Variants in SLC14A2 observed in about 807,000 individuals in gnomAD.
SLC14A2 encodes urea transporter 2.
A neutral mutation model predicts 104.6 loss-of-function variants in SLC14A2; 91 were observed. That is an observed-to-expected ratio of 0.87 (90% CI 0.73 to 1.04). The LOEUF is 1.04. Ranked by LOEUF, SLC14A2 falls within the 50% of genes least tolerant of loss-of-function variation. The pLI is 0.00. For missense variants in SLC14A2, 1,189 were observed against 1,156.0 expected (o/e 1.03, Z -0.41); for synonymous variants, 476 against 466.4 (o/e 1.02, Z -0.27).
intron 16 of SLC14A2, among the ~76,000 whole-genome samples, chr18:45,672,162 C>T (rs952107868): frequency 2.6e-5 from 4 of 152,204 alleles, no homozygotes; most frequent in African/African-American, 9.7e-5. Context: ...ACACCCCAAA[C>T]ATGTTGTACT....
chr18:45,677,097 G>T (rs1478890695), intron 18 of SLC14A2, among the ~76,000 whole-genome samples: 1 of 152,194 alleles, frequency 6.6e-6, no homozygotes, highest in Non-Finnish European at 1.5e-5. Context: ...GCCCAGGCAG[G>T]CCGCATGTCT....
chr18:45,174,651 T>C, the SLC14A2 span, among the ~76,000 whole-genome samples: 3 of 152,146 alleles, frequency 2.0e-5, no homozygotes, highest in African/African-American at 7.2e-5. Flanking sequence ...CATGTGCTTA[T>C]TAACAGAGAA....
chr18:45,477,120 T>A (rs1474854281), intron 1 of SLC14A2, among the ~76,000 whole-genome samples: 1 of 152,232 alleles, frequency 6.6e-6, no homozygotes, highest in Non-Finnish European at 1.5e-5. Context: ...CATGGATTTA[T>A]CTACTTTTGG....
intron 2 of SLC14A2, among the ~76,000 whole-genome samples, chr18:45,530,916 T>C (rs537769763): frequency 6.6e-6 from 1 of 152,250 alleles, no homozygotes; most frequent in East Asian, 1.9e-4. Flanking sequence ...GTTCTCATTG[T>C]TCAGTTCCCA....
At chr18:45,270,701 C>G (rs1374912898) in intron 1 of SLC14A2, among the ~76,000 whole-genome samples, 1 of 152,136 alleles carries the variant, frequency 6.6e-6, no homozygotes, top group Non-Finnish European at 1.5e-5. Context: ...TGTTTTGTCT[C>G]TACATCCCAT....
chr18:45,674,775 A>G (rs549254309), intron 18 of SLC14A2, among the ~76,000 whole-genome samples: 1 of 152,340 alleles, frequency 6.6e-6, no homozygotes, highest in East Asian at 1.9e-4. Context: ...TGTGTCAAAG[A>G]GCAAGACTAA....
chr18:45,314,142 G>A (rs1246263232), intron 1 of SLC14A2, among the ~76,000 whole-genome samples: 1 of 152,224 alleles, frequency 6.6e-6, no homozygotes, highest in Non-Finnish European at 1.5e-5. Context: ...GGCCACAGAG[G>A]CCAAAGAACA....
chr18:45,426,429 A>G (rs775047366), intron 1 of SLC14A2, among the ~76,000 whole-genome samples: 3 of 151,842 alleles, frequency 2.0e-5, no homozygotes, highest in Non-Finnish European at 4.4e-5. Flanking sequence ...TGTGCTTTAC[A>G]TTAACTAGTC....
At chr18:45,652,811 T>G (rs2045763571) in intron 10 of SLC14A2, among the ~76,000 whole-genome samples, 1 of 152,150 alleles carries the variant, frequency 6.6e-6, no homozygotes, top group African/African-American at 2.4e-5. Context: ...AAGGCAGCAC[T>G]TTATTGCCCC....
At chr18:45,515,526 A>C (rs2043426477) in intron 2 of SLC14A2, 1 of 152,238 alleles carries the variant, frequency 6.6e-6, no homozygotes, top group Non-Finnish European at 1.5e-5. Context: ...CAATGCTCTG[A>C]GAAAGAAGAG....
At chr18:45,184,659 GA>G in the SLC14A2 span, among the ~76,000 whole-genome samples, 1 of 151,956 alleles carries the variant, frequency 6.6e-6, no homozygotes. Context: ...AAAAGTAAAG[GA>G]AAAAAATCAC....
chr18:45,206,888 A>T, the SLC14A2 span, among the ~76,000 whole-genome samples: 1 of 152,192 alleles, frequency 6.6e-6, no homozygotes, highest in Non-Finnish European at 1.5e-5. Flanking sequence ...TCCATTGTGG[A>T]AATAAGGGCC....
At chr18:45,430,405 T>C (rs2144548359) in intron 1 of SLC14A2, among the ~76,000 whole-genome samples, 1 of 152,250 alleles carries the variant, frequency 6.6e-6, no homozygotes, top group Non-Finnish European at 1.5e-5. Context: ...ATAAATCAAG[T>C]TGAATAAAGA....
chr18:45,497,570 G>A (rs1010968868), intron 2 of SLC14A2, among the ~76,000 whole-genome samples: 3 of 152,142 alleles, frequency 2.0e-5, no homozygotes, highest in African/African-American at 7.2e-5. Flanking sequence ...ACCTGGCTTT[G>A]AGCTTTCCAA....
chr18:45,654,107 G>T (rs1320221768), intron 10 of SLC14A2, among the ~76,000 whole-genome samples: 1 of 149,004 alleles, frequency 6.7e-6, no homozygotes. Context: ...TCCCCAGGGA[G>T]TTTAGGAAAT....
At chr18:45,522,124 G>A (rs756797598) in intron 2 of SLC14A2, among the ~76,000 whole-genome samples, 1 of 152,214 alleles carries the variant, frequency 6.6e-6, no homozygotes, top group Non-Finnish European at 1.5e-5. Flanking sequence ...TATCAGTGGA[G>A]ATCACCATCC....
intron 2 of SLC14A2, among the ~76,000 whole-genome samples, chr18:45,606,909 G>T (rs544448375): frequency 1.3e-5 from 2 of 152,080 alleles, no homozygotes; most frequent in Non-Finnish European, 2.9e-5. Flanking sequence ...TACATCCTAC[G>T]TTGTTTTTAT....
intron 1 of SLC14A2, among the ~76,000 whole-genome samples, chr18:45,463,396 G>A (rs1386157276): frequency 6.6e-6 from 1 of 152,190 alleles, no homozygotes; most frequent in Non-Finnish European, 1.5e-5. Context: ...CCTACTTAAT[G>A]GGGTGATGGT....
intron 1 of SLC14A2, among the ~76,000 whole-genome samples, chr18:45,232,068 A>G (rs1299082743): frequency 6.6e-6 from 1 of 152,068 alleles, no homozygotes; most frequent in Non-Finnish European, 1.5e-5. Flanking sequence ...GAGTGAATGA[A>G]CCAGAGTTGA....
Sources: gnomAD v4.1 joint callset for allele counts (sites outside exome capture counted in the v4.1 genomes callset) on GRCh38, gnomAD v4.1.1 for gene constraint, MANE v1.5 for transcripts, NCBI Gene and HGNC (gene_info 2026-07-23, HGNC 2026-07-21) for gene names.